Variants in ATP2A3 observed in about 807,000 individuals in gnomAD.
ATP2A3 encodes the protein ATPase sarcoplasmic/endoplasmic reticulum Ca2+ transporting 3.
ATP2A3 carries 61 observed loss-of-function variants against 106.8 expected under a neutral mutation model. The ratio of observed to expected loss-of-function variants is 0.57; its 90% confidence interval spans 0.46 to 0.71. The LOEUF is 0.71. ATP2A3 is among the 30% of genes least tolerant of loss of function. The probability of loss-of-function intolerance (pLI) is 0.00; values close to 1 mark genes in which losing one functional copy is unlikely to be tolerated. For synonymous variants in ATP2A3, 611 were observed against 609.3 expected (o/e 1.00, Z -0.04); for missense variants, 1,201 against 1,423.5 (o/e 0.84, Z 2.52).
chr17:3,947,084 C>T lies in ATP2A3; in HGVS notation c.1095+307G>A, dbSNP rs543978278. On this transcript the variant is annotated intron_variant, in intron 8 of 20. Transcript: ENST00000397041. The surrounding 1 kb of genome is among the most constrained non-coding windows in gnomAD (Gnocchi z 7.7). ...GGCTGAACTTGAGCCTCTCCTATGT[C>T]CTTTACGTTTACCTAGCAGGGCTCA... is the stretch of plus-strand genomic sequence containing the variant. Among the ~76,000 whole-genome samples the T allele has an allele frequency of 2.6e-5, 4 of 152,360 alleles. No individual in the cohort carries two copies. The highest frequency in any genetic ancestry group is 9.6e-5 in the African/African-American group (4 of 41,598).
At position 3,928,878 on chromosome 17, in the gene ATP2A3, C is replaced by G; in HGVS notation, c.2863-98G>C. 1 of 915,388 alleles carries G rather than the reference C, an allele frequency of 1.1e-6. No homozygotes were observed. The highest frequency in any genetic ancestry group is 1.7e-6 in the Non-Finnish European group (1 of 587,448). 56.7% of individuals were successfully genotyped at this position (915,388 alleles called of 1,614,324 possible). A position where few individuals can be genotyped will look rare whatever the true frequency, so the allele number is the denominator to read the frequency against. ...TTATCCACCTGGGCTCTGATGGACT[C>G]TTCATGAGCGCTCCTAAGAACCCCC... On this transcript the variant is annotated intron_variant, in intron 19 of 20. Transcript: ENST00000397041. The surrounding 1 kb of genome is among the most constrained non-coding windows in gnomAD (Gnocchi z 6.1).
intron 1 of ATP2A3, among the ~76,000 whole-genome samples, chr17:3,958,763 CACAT>C (rs2054939383): frequency 6.8e-6 from 1 of 146,058 alleles, no homozygotes; most frequent in Non-Finnish European, 1.5e-5. Context: ...TATATACACA[CACAT>C]ATATATACAC....
At chr17:3,937,756 A>G (rs991603467) in intron 14 of ATP2A3, 120 bp from the exon 15 acceptor site, 1 of 1,029,876 alleles carries the variant, frequency 9.7e-7, no homozygotes, top group African/African-American at 1.6e-5. Flanking sequence ...ACAGTTAGAC[A>G]GAACAAATGG....
chr17:3,951,512 C>G (rs2054429560), intron 4 of ATP2A3, 69 bp downstream of exon 4: 2 of 1,564,096 alleles, frequency 1.3e-6, no homozygotes, highest in South Asian at 1.2e-5. Context: ...GACGCCAGCA[C>G]CAGGTGGAGG....
At chr17:3,937,314 G>A (rs2053504732) in intron 15 of ATP2A3, 102 bp downstream of exon 15, 2 of 1,347,786 alleles carry the variant, frequency 1.5e-6, no homozygotes, top group South Asian at 1.3e-5. Flanking sequence ...CAGGGCACAG[G>A]CCCCTCCATC....
rs201357601 is a variant in ATP2A3 at position 3,950,680 on chromosome 17, G to A, written c.544+13C>T. On this transcript the variant is annotated intron_variant, in intron 6 of 20. Coordinates refer to ENST00000397041, the MANE Select transcript of ATP2A3 (RefSeq NM_005173.4). ...TGGCCCACTAGGTCCCGGCCTCCTG[G>A]GGGGGGCCTCACCCGTCAGGATGGA... The A allele has an allele frequency of 2.5e-5, 40 of 1,613,790 alleles. No individual in the cohort carries two copies. In the Admixed American group the frequency reaches 4.5e-4, roughly 18 times the overall value.
At position 3,925,152 on chromosome 17, in the gene ATP2A3, G is replaced by T; in HGVS notation, c.*270C>A. 1.7e-6 allele frequency: 1 copy of T among 596,992 alleles called. No homozygotes were observed. The highest frequency in any genetic ancestry group is 2.9e-6 in the Non-Finnish European group (1 of 339,188). 37.0% of individuals were successfully genotyped at this position (596,992 alleles called of 1,614,324 possible). ...CTTCTTGGCTGCCCCCTCCCAGCCTGCAGCTCCTGGGCCAGAGCTGCAGAG... is the reference window on the plus strand; with the variant it reads ...CTTCTTGGCTGCCCCCTCCCAGCCTTCAGCTCCTGGGCCAGAGCTGCAGAG... On this transcript the variant is annotated 3_prime_UTR_variant, in exon 21 of 21. Coordinates refer to ENST00000397041, the MANE Select transcript of ATP2A3 (RefSeq NM_005173.4). The surrounding 1 kb of genome is among the most constrained non-coding windows in gnomAD (Gnocchi z 4.2).
At position 3,947,731 on chromosome 17, in the gene ATP2A3, T is replaced by G. The variant is rs780858134; in HGVS notation, c.755A>C (p.Lys252Thr). Residue 252 changes from lysine to threonine, a missense_variant, in exon 8 of 21, where the codon AAG (lysine) becomes ACG (threonine). Physicochemically the swap from Lys to Thr is moderately conservative, Grantham distance 78 (BLOSUM62 -1). Coordinates refer to ENST00000397041, the MANE Select transcript of ATP2A3 (RefSeq NM_005173.4). The surrounding 1 kb of genome is among the most constrained non-coding windows in gnomAD (Gnocchi z 7.7). ...VEPERTPLQR[K>T]LDEFGRQLSH... is the part of the protein sequence containing the mutation. Reference sequence around the variant, plus strand: ...CAGCTGCCGTCCAAACTCGTCCAGCTTGCGCTGCAGCGGCGTCCGCTCGGG... The same window carrying G: ...CAGCTGCCGTCCAAACTCGTCCAGCGTGCGCTGCAGCGGCGTCCGCTCGGG... 42 of 1,609,794 alleles carry G rather than the reference T, an allele frequency of 2.6e-5. No homozygotes were observed. In the East Asian group the frequency reaches 9.4e-4, roughly 36 times the overall value.
At chr17:3,931,523 CTTTTTTTTTT>C in intron 17 of ATP2A3, among the ~76,000 whole-genome samples, 1 of 140,470 alleles carries the variant, frequency 7.1e-6, no homozygotes, top group Non-Finnish European at 1.6e-5. Flanking sequence ...GATCTTTTTT[CTTTTTTTTTT>C]TTTTTTGAAA....
At position 3,936,330 on chromosome 17, in the gene ATP2A3, G is replaced by A; in HGVS notation, c.2461C>T (p.Pro821Ser). Residue 821 changes from proline (P) to serine (S), a missense_variant, in exon 16 of 21, where the codon CCC (proline) becomes TCC (serine). This residue lies in a region of ATP2A3 where 935 missense variants were observed against 1,176.7 expected (regional missense o/e 0.79). Transcript: ENST00000397041. The surrounding 1 kb of genome is among the most constrained non-coding windows in gnomAD (Gnocchi z 5.4). ...PPDLDIMEKL[P>S]RSPREALISG... ...ATGAGGGCTTCTCGGGGGCTCCGGGGCAGCTTCTCCATGATGTCCAGGTCT... is the reference window on the plus strand; with the variant it reads ...ATGAGGGCTTCTCGGGGGCTCCGGGACAGCTTCTCCATGATGTCCAGGTCT... 6.2e-7 allele frequency: 1 copy of A among 1,614,082 alleles called. No homozygotes were observed. The highest frequency in any genetic ancestry group is 8.5e-7 in the Non-Finnish European group (1 of 1,180,020).
intron 7 of ATP2A3, among the ~76,000 whole-genome samples, chr17:3,949,238 A>T (rs2054284668): frequency 6.6e-6 from 1 of 150,376 alleles, no homozygotes; most frequent in South Asian, 2.1e-4. Flanking sequence ...GGCCTGGGCC[A>T]TTGTCTGACT....
intron 4 of ATP2A3, 35 bp downstream of exon 4, chr17:3,951,546 G>GCCCCCCCCCCCCCCC: frequency 7.6e-7 from 1 of 1,319,568 alleles, no homozygotes; most frequent in Non-Finnish European, 1.0e-6. Context: ...CTGGGAGACC[G>GCCCCCCCCCCCCCCC]CCCCCCGCCC....
chr17:3,946,499 G>A (rs745770702), intron 8 of ATP2A3, among the ~76,000 whole-genome samples: 3 of 151,940 alleles, frequency 2.0e-5, no homozygotes, highest in Non-Finnish European at 2.9e-5. Context: ...AGGTTGCAGT[G>A]AGCTCAGATC....
At position 3,925,229 on chromosome 17, in the gene ATP2A3, C is replaced by A. The variant is rs1470975946; in HGVS notation, c.*193G>T. 9.7e-6 allele frequency: 8 copies of A among 826,280 alleles called. No individual in the cohort carries two copies. The highest frequency in any genetic ancestry group is 1.4e-5 in the Non-Finnish European group (7 of 517,856). 51.2% of individuals were successfully genotyped at this position (826,280 alleles called of 1,614,324 possible). Reference sequence around the variant, plus strand: ...AGACAGGAATTACAGACCTCCCAGGCCAGAAGGAAGTGGGGACAGAGACCC... The same window carrying A: ...AGACAGGAATTACAGACCTCCCAGGACAGAAGGAAGTGGGGACAGAGACCC... On this transcript the variant is annotated 3_prime_UTR_variant, in exon 21 of 21. Transcript: ENST00000397041. The surrounding 1 kb of genome is among the most constrained non-coding windows in gnomAD (Gnocchi z 4.2).
intron 1 of ATP2A3, among the ~76,000 whole-genome samples, chr17:3,963,571 C>T (rs1351367036): frequency 6.6e-6 from 1 of 152,262 alleles, no homozygotes; most frequent in Non-Finnish European, 1.5e-5. Context: ...TTGACTCCGC[C>T]ACCCCAGGAA....
rs771360676 is a variant in ATP2A3, at chr17:3,929,239, C to T, written c.2862+89G>A. ...ACCTCCCTCTCCTCCAGGTAGTTTC[C>T]ATTGCAGGGGGGCCAGAGAGGTCCA... On this transcript the variant is annotated intron_variant, in intron 19 of 20. Coordinates refer to ENST00000397041, the MANE Select transcript of ATP2A3 (RefSeq NM_005173.4). This position sits in a 1 kb window ranked among gnomAD's most constrained non-coding sequence, Gnocchi z 4.3. 119 of 1,233,390 alleles carry T rather than the reference C, an allele frequency of 9.6e-5. No individual in the cohort carries two copies. Among genetic ancestry groups the T allele is most frequent in the Non-Finnish European group, 1.3e-4 (113 of 874,892 alleles). The allele number at this position is 1,233,390 out of a possible 1,614,324, so 76.4% of individuals were successfully genotyped here.
chr17:3,941,678 G>C, intron 12 of ATP2A3, 24 bp from the exon 13 acceptor site: 1 of 1,600,610 alleles, frequency 6.2e-7, no homozygotes, highest in Non-Finnish European at 8.5e-7. Flanking sequence ...AGAGGGAGAA[G>C]AGGTAACTCA....
At chr17:3,934,930 T>C (rs570884131) in intron 17 of ATP2A3, 36 of 506,374 alleles carry the variant, frequency 7.1e-5, no homozygotes, top group South Asian at 6.7e-4. Context: ...TTGACAAAGG[T>C]AAGATACATC....
At chr17:3,943,180 G>A (rs1211857491) in intron 11 of ATP2A3, among the ~76,000 whole-genome samples, 3 of 151,530 alleles carry the variant, frequency 2.0e-5, no homozygotes, top group Non-Finnish European at 2.9e-5. Flanking sequence ...GTCGAGGCAC[G>A]AGAATCACTT....
Sources: gnomAD v4.1 joint callset for allele counts (sites outside exome capture counted in the v4.1 genomes callset) on GRCh38, gnomAD v4.1.1 for gene constraint, gnomAD v4.1.1 regional missense constraint, Gnocchi (gnomAD v3.1) non-coding constraint, MANE v1.5 for transcripts, NCBI Gene and HGNC (gene_info 2026-07-23, HGNC 2026-07-21) for gene names.